DLG1: variants seen among roughly 807,000 people sequenced by gnomAD.
DLG1 encodes the protein discs large MAGUK scaffold protein 1, also known as disks large homolog 1.
DLG1 carries 42 observed loss-of-function variants against 123.4 expected under a neutral mutation model. The observed-to-expected ratio is 0.34, with a 90% CI of 0.27 to 0.44. DLG1 has a LOEUF of 0.44. DLG1 is among the 20% of genes least tolerant of loss of function. The pLI, the probability that DLG1 is intolerant of heterozygous loss-of-function variation, is 1.00. For missense variants in DLG1, 942 were observed against 1,082.6 expected, an observed-to-expected ratio of 0.87 and a Z score of 1.82; for synonymous variants, 317 against 356.2, an observed-to-expected ratio of 0.89 and a Z score of 1.24.
chr3:197,259,184 C>G (rs1022880356), intron 4 of DLG1, among the ~76,000 whole-genome samples: 1 of 152,054 alleles, frequency 6.6e-6, no homozygotes, highest in East Asian at 1.9e-4. Flanking sequence ...GAAAAAGCAA[C>G]AACGACCCTG....
At chr3:197,210,253 A>G (rs1355492531) in intron 4 of DLG1, among the ~76,000 whole-genome samples, 1 of 145,158 alleles carries the variant, frequency 6.9e-6, no homozygotes, top group African/African-American at 2.4e-5. Flanking sequence ...TATAAAAAAA[A>G]AAAAAGACTA....
chr3:197,183,592 C>G, intron 5 of DLG1: 2 of 1,550,434 alleles, frequency 1.3e-6, no homozygotes, highest in Non-Finnish European at 1.7e-6. Context: ...GAGCTGGTGG[C>G]TACCGAGATG....
intron 5 of DLG1, among the ~76,000 whole-genome samples, chr3:197,192,978 T>C (rs1172613842): frequency 6.6e-6 from 1 of 152,078 alleles, no homozygotes; most frequent in African/African-American, 2.4e-5. Context: ...ATCTGAAATG[T>C]TAAAAATTAC....
intron 5 of DLG1, among the ~76,000 whole-genome samples, chr3:197,174,183 G>A (rs914883765): frequency 6.6e-6 from 1 of 152,068 alleles, no homozygotes; most frequent in Admixed American, 6.6e-5. Flanking sequence ...TTTTAAAAAA[G>A]GAGAAAGAAA....
At chr3:197,203,674 T>C (rs1727036489) in intron 4 of DLG1, among the ~76,000 whole-genome samples, 1 of 152,186 alleles carries the variant, frequency 6.6e-6, no homozygotes, top group Admixed American at 6.5e-5. Context: ...ACATTTCTTC[T>C]CCAAAATCCT....
In DLG1 at chr3:197,065,764, C is replaced by T. The variant is rs956412267; in HGVS notation, c.2144G>A (p.Arg715Lys). Residue 715 changes from arginine to lysine, a missense_variant, in exon 21 of 25, where the codon AGG becomes AAG. Transcript: ENST00000667157. ...TTCTGAGATCAAGTCATCATTTATC[C>T]TGTCTTTCATAGGTCCCAATATGAT... ...PVIILGPMKD[R>K]INDDLISEFP... is the part of the protein sequence containing the mutation. 5 of 1,612,156 alleles carry T rather than the reference C, an allele frequency of 3.1e-6. No homozygotes were observed. The highest frequency in any genetic ancestry group is 1.3e-5 in the African/African-American group (1 of 74,850).
At chr3:197,250,323 A>T (rs1223594532) in intron 4 of DLG1, among the ~76,000 whole-genome samples, 1 of 152,170 alleles carries the variant, frequency 6.6e-6, no homozygotes, top group Non-Finnish European at 1.5e-5. Flanking sequence ...TAATCCCAGC[A>T]CTTTGGGAGG....
Position 197,228,284 on chromosome 3 carries a change from A to G in DLG1, c.319-33695T>C, listed in dbSNP as rs186466579. On this transcript the variant is annotated intron_variant, in intron 4 of 24. Transcript: ENST00000667157. ...TACACGCTGAGTCTTAATAAAATTC[A>G]GTTCTGTGCAGACATGTCTGCTCCC... Among the ~76,000 whole-genome samples, 168 of 152,332 alleles carry G rather than the reference A, an allele frequency of 1.1e-3. 4 individuals are homozygous for G. Among genetic ancestry groups the G allele is most frequent in the Admixed American group, 0.011 (168 of 15,300 alleles).
chr3:197,081,216 T>C (rs1750942950), intron 16 of DLG1, 99 bp from the exon 17 acceptor site: 2 of 1,124,522 alleles, frequency 1.8e-6, no homozygotes, highest in Admixed American at 4.9e-5. Context: ...GGCATTTTTA[T>C]ACTCTAAAAC....
intron 11 of DLG1, among the ~76,000 whole-genome samples, chr3:197,127,423 C>A (rs1188668650): frequency 1.0e-4 from 4 of 39,562 alleles, no homozygotes; most frequent in Non-Finnish European, 1.3e-4. Context: ...ATTCTGTCTC[C>A]AAAAAAAAAA....
intron 4 of DLG1, among the ~76,000 whole-genome samples, chr3:197,267,565 T>TTTTTCTTCC (rs3067191): frequency 0.75 from 114,136 of 151,240 alleles, 43,178 homozygotes; most frequent in East Asian, 0.82. Flanking sequence ...AGTTTGCCTT[T>TTTTTCTTCC]TTTTCTTCCC....
chr3:197,296,728 G>C, intron 2 of DLG1: 2 of 412,456 alleles, frequency 4.8e-6, no homozygotes, highest in South Asian at 5.0e-5. Context: ...TGGAATAAAT[G>C]TGTACTGGTA....
chr3:197,102,455 T>C (rs1456712909), intron 14 of DLG1, among the ~76,000 whole-genome samples: 1 of 152,216 alleles, frequency 6.6e-6, no homozygotes, highest in Non-Finnish European at 1.5e-5. Context: ...ATGACTCCTT[T>C]TGTACTTCTT....
intron 4 of DLG1, among the ~76,000 whole-genome samples, chr3:197,264,179 T>C (rs1003494602): frequency 6.6e-6 from 1 of 152,236 alleles, no homozygotes; most frequent in African/African-American, 2.4e-5. Context: ...AGGGTCATCA[T>C]AACCACAACC....
rs191424576 is a variant in DLG1, at chr3:197,118,142, G to C, written c.1286+1268C>G. Among the ~76,000 whole-genome samples the C allele has an allele frequency of 3.0e-3, 452 of 152,204 alleles. 8 individuals carry two copies. The highest frequency in any genetic ancestry group is 0.011 in the African/African-American group (441 of 41,524). ...GTCCAATGCAATATTCTAGACAAGAGACTCAAGTGAAGAAGCATGAGGAAC... is the reference window on the plus strand; with the variant it reads ...GTCCAATGCAATATTCTAGACAAGACACTCAAGTGAAGAAGCATGAGGAAC... On this transcript the variant is annotated intron_variant, in intron 12 of 24. Coordinates refer to ENST00000667157, the MANE Select transcript of DLG1 (RefSeq NM_001366207.1).
intron 4 of DLG1, among the ~76,000 whole-genome samples, chr3:197,205,474 A>G (rs1187851160): frequency 1.3e-5 from 2 of 152,248 alleles, no homozygotes; most frequent in African/African-American, 4.8e-5. Flanking sequence ...ATGTCAGAAT[A>G]GGTAAATATC....
At chr3:197,107,841 T>C (rs1579339759) in intron 13 of DLG1, among the ~76,000 whole-genome samples, 1 of 151,468 alleles carries the variant, frequency 6.6e-6, no homozygotes, top group East Asian at 1.9e-4. Flanking sequence ...TTCTAGAACC[T>C]CCAGGACAAT....
intron 15 of DLG1, among the ~76,000 whole-genome samples, chr3:197,090,649 C>T (rs367589717): frequency 6.6e-5 from 10 of 152,124 alleles, no homozygotes; most frequent in East Asian, 3.9e-4. Context: ...AATCTGAAAA[C>T]AATTTCTGGT....
At chr3:197,268,139 T>G (rs1397414991) in intron 4 of DLG1, among the ~76,000 whole-genome samples, 1 of 152,188 alleles carries the variant, frequency 6.6e-6, no homozygotes, top group Non-Finnish European at 1.5e-5. Context: ...ACATGAGATA[T>G]CACTGCTCTA....
Sources: allele counts gnomAD v4.1 joint callset (sites outside exome capture counted in the v4.1 genomes callset), GRCh38; gene constraint gnomAD v4.1.1; transcripts MANE v1.5; gene names NCBI Gene and HGNC (gene_info 2026-07-23, HGNC 2026-07-21).